The following DHRS4L2 variants were observed in gnomAD, a reference collection of about 807,000 sequenced individuals.
DHRS4L2 encodes dehydrogenase/reductase SDR family member 4-like 2.
Under a neutral mutation model 23.9 loss-of-function variants are expected in DHRS4L2, and 22 were observed. That is an observed-to-expected ratio of 0.92 (90% CI 0.66 to 1.31). The LOEUF (loss-of-function observed/expected upper bound fraction) is 1.31. Ranked by LOEUF, DHRS4L2 falls within the 40% of genes most tolerant of loss-of-function variation. The probability of loss-of-function intolerance (pLI) is 0.00; values close to 1 mark genes in which losing one functional copy is unlikely to be tolerated. For missense variants in DHRS4L2, 385 were observed against 303.3 expected (o/e 1.27, Z -2.00); for synonymous variants, 141 against 123.7 (o/e 1.14, Z -0.93).
At chr14:23,993,277 G>A (rs1011611212) in intron 2 of DHRS4L2, among the ~76,000 whole-genome samples, 1 of 151,652 alleles carries the variant, frequency 6.6e-6, no homozygotes, top group Non-Finnish European at 1.5e-5. Flanking sequence ...AATTTAAAGG[G>A]TGCAAGAAAG....
chr14:23,996,013 C>T (rs1332839632), intron 3 of DHRS4L2, among the ~76,000 whole-genome samples: 2 of 151,604 alleles, frequency 1.3e-5, no homozygotes, highest in Admixed American at 6.6e-5. Context: ...TCTGATGAGG[C>T]CTCAGGAAGC....
chr14:24,004,270 A>G lies in DHRS4L2; in HGVS notation c.666-67A>G, dbSNP rs1479128458. 2.1e-4 allele frequency: 27 copies of G among 129,366 alleles called. 1 individual carries two copies. Among genetic ancestry groups the G allele is most frequent in the Non-Finnish European group, 4.2e-4 (27 of 64,532 alleles). The allele number at this position is 129,366 out of a possible 1,614,324, so 8.0% of individuals were successfully genotyped here. The stretch of plus-strand genomic sequence containing the variant: ...GGCAAAAGAGCAAGACTCCGTCTCT[A>G]AAAAAAAAAAAAAAAAAAGAAAGGA... On this transcript the variant is annotated intron_variant, in intron 6 of 7. Transcript: ENST00000335125.
At chr14:23,995,220 G>A in intron 3 of DHRS4L2, 87 bp downstream of exon 3, 1 of 1,489,872 alleles carries the variant, frequency 6.7e-7, no homozygotes, top group Admixed American at 1.7e-5. Context: ...ATTTCTCAAG[G>A]GCAGTGTAAA....
Position 24,006,197 on chromosome 14 carries a change from G to C in DHRS4L2, c.*334G>C, listed in dbSNP as rs912586609. 8 of 1,073,404 alleles carry C rather than the reference G, an allele frequency of 7.5e-6. No individual in the cohort carries two copies. The African/African-American group carries it at 1.1e-4, about 15-fold the overall frequency. 66.5% of individuals were successfully genotyped at this position (1,073,404 alleles called of 1,614,324 possible). A position where few individuals can be genotyped will look rare whatever the true frequency, so the allele number is the denominator to read the frequency against. On this transcript the variant is annotated 3_prime_UTR_variant, in exon 8 of 8. Transcript: ENST00000335125. ...GGATTCCTGCTGTTGTTGTGGCCTT[G>C]GGTAAAGGCCTCCCCTGAGAACACA...
intron 1 of DHRS4L2, among the ~76,000 whole-genome samples, chr14:23,982,591 T>A (rs913475672): frequency 6.6e-6 from 1 of 151,380 alleles, no homozygotes; most frequent in Non-Finnish European, 1.5e-5. Context: ...AGCATGGTAA[T>A]AGTACCAAAC....
chr14:23,978,172 C>G (rs902704309), intron 1 of DHRS4L2, among the ~76,000 whole-genome samples: 1 of 151,284 alleles, frequency 6.6e-6, no homozygotes, highest in Non-Finnish European at 1.5e-5. Flanking sequence ...AACTTTGGCC[C>G]AGCGTACAAA....
upstream of DHRS4L2, among the ~76,000 whole-genome samples, chr14:23,985,534 C>T (rs117915450): frequency 1.5e-3 from 222 of 151,464 alleles, 2 homozygotes; most frequent in East Asian, 0.034. Context: ...TCTTCTGGAC[C>T]GCAGGCAGCC....
chr14:23,996,974 G>C (rs943722667), intron 3 of DHRS4L2, among the ~76,000 whole-genome samples: 2 of 151,342 alleles, frequency 1.3e-5, no homozygotes, highest in Non-Finnish European at 2.9e-5. Flanking sequence ...CATCATTCAT[G>C]AACAGTCTGA....
chr14:23,993,464 C>T lies in DHRS4L2; in HGVS notation c.307-1568C>T, dbSNP rs61674463. 3.5e-4 allele frequency among the ~76,000 whole-genome samples: 53 copies of T among 150,948 alleles called. 2 individuals are homozygous for T. Among genetic ancestry groups the T allele is most frequent in the Non-Finnish European group, 2.9e-5 (2 of 67,824 alleles). ...TGTACATTGTTAGTAACACCCCTCT[C>T]TGTGCCAAATCCAGAGCACAAAGTT... On this transcript the variant is annotated intron_variant, in intron 2 of 7. Coordinates refer to ENST00000335125, the MANE Select transcript of DHRS4L2 (RefSeq NM_198083.4).
chr14:23,994,409 G>A (rs370149886), intron 2 of DHRS4L2, among the ~76,000 whole-genome samples: 1 of 151,716 alleles, frequency 6.6e-6, no homozygotes, highest in Non-Finnish European at 1.5e-5. Flanking sequence ...AAAAGAAATA[G>A]GGCCAACTTC....
upstream of DHRS4L2, chr14:23,987,204 C>G: frequency 2.8e-6 from 1 of 357,074 alleles, no homozygotes; most frequent in Non-Finnish European, 5.6e-6. Flanking sequence ...GATCTTGGCT[C>G]ACTGCAAGCT....
intron 2 of DHRS4L2, among the ~76,000 whole-genome samples, chr14:23,992,031 G>A (rs55895464): frequency 0.023 from 3,453 of 151,592 alleles, 117 homozygotes; most frequent in Middle Eastern, 0.054. Flanking sequence ...CACTGTGCCC[G>A]GCCATAGCTT....
chr14:23,990,435 T>C lies in DHRS4L2; in HGVS notation c.306+76T>C. 2.7e-6 allele frequency: 4 copies of C among 1,499,520 alleles called. 1 individual carries two copies. The highest frequency in any genetic ancestry group is 3.6e-6 in the Non-Finnish European group (4 of 1,122,178). The allele number at this position is 1,499,520 out of a possible 1,614,324, so 92.9% of individuals were successfully genotyped here. On this transcript the variant is annotated intron_variant, in intron 2 of 7. Coordinates refer to ENST00000335125, the MANE Select transcript of DHRS4L2 (RefSeq NM_198083.4). The stretch of plus-strand genomic sequence containing the variant: ...GCCTGAGCCTCCTTCCCTGCTTTCC[T>C]AGACAGCAGCACATTTTTACTGTGT...
chr14:23,990,117 A>G, intron 1 of DHRS4L2, 65 bp from the exon 2 acceptor site: 1 of 1,594,162 alleles, frequency 6.3e-7, no homozygotes, highest in Admixed American at 1.8e-5. Flanking sequence ...TTAACTTCAG[A>G]GCCCATGCTG....
At chr14:23,995,208 G>A in intron 3 of DHRS4L2, 75 bp downstream of exon 3, 1 of 1,540,904 alleles carries the variant, frequency 6.5e-7, no homozygotes, top group Non-Finnish European at 9.0e-7. Context: ...CTTTTAGAAT[G>A]CATTTCTCAA....
upstream of DHRS4L2, among the ~76,000 whole-genome samples, chr14:23,988,553 G>T (rs1403855170): frequency 6.6e-6 from 1 of 151,238 alleles, no homozygotes; most frequent in South Asian, 2.1e-4. Context: ...GACTTTCTTG[G>T]AGAAGGAATT....
chr14:23,973,010 T>C (rs1224251399), intron 1 of DHRS4L2, among the ~76,000 whole-genome samples: 23 of 151,820 alleles, frequency 1.5e-4, no homozygotes, highest in Non-Finnish European at 2.5e-4. Context: ...TTTCTCTCAT[T>C]TCAGAATTGA....
At chr14:23,975,285 A>G (rs562313022) in intron 1 of DHRS4L2, among the ~76,000 whole-genome samples, 139 of 151,736 alleles carry the variant, frequency 9.2e-4, no homozygotes, top group Middle Eastern at 3.4e-3. Flanking sequence ...TCCTATATGC[A>G]AATAATAGAC....
intron 1 of DHRS4L2, among the ~76,000 whole-genome samples, chr14:23,975,928 G>A (rs1024477477): frequency 4.0e-5 from 6 of 151,376 alleles, no homozygotes; most frequent in Non-Finnish European, 7.4e-5. Context: ...AACTGCATGC[G>A]TTCCTTACAC....
Sources: allele counts gnomAD v4.1 joint callset (sites outside exome capture counted in the v4.1 genomes callset), GRCh38; gene constraint gnomAD v4.1.1; transcripts MANE v1.5; gene names NCBI Gene and HGNC (gene_info 2026-07-23, HGNC 2026-07-21).